Variants in PXDNL observed in about 807,000 individuals in gnomAD.
The protein encoded by PXDNL is peroxidasin like, also known as probable oxidoreductase PXDNL.
PXDNL carries 145 observed loss-of-function variants against 150.8 expected under a neutral mutation model. The observed-to-expected ratio is 0.96, with a 90% CI of 0.84 to 1.10. PXDNL has a LOEUF of 1.10. Among genes scored for constraint, PXDNL ranks in the 50% least tolerant of loss-of-function variants. The pLI is 0.00. For missense variants in PXDNL, 2,087 were observed against 1,873.9 expected, an observed-to-expected ratio of 1.11 and a Z score of -2.10; for synonymous variants, 757 against 725.7, an observed-to-expected ratio of 1.04 and a Z score of -0.69.
chr8:51,319,759 A>C lies in PXDNL; in HGVS notation c.*132T>G. ...ATAAAAGATCGTAAGTATATGTAAG[A>C]TTAGATGAACTAAGTTGCTTAAGTC... On this transcript the variant is annotated 3_prime_UTR_variant, in exon 23 of 23. Transcript: ENST00000356297. The C allele has an allele frequency of 1.5e-6, 1 of 661,852 alleles. No individual in the cohort carries two copies. The highest frequency in any genetic ancestry group is 5.2e-5 in the South Asian group (1 of 19,234). The allele number at this position is 661,852 out of a possible 1,614,324, so 41.0% of individuals were successfully genotyped here. A position where few individuals can be genotyped will look rare whatever the true frequency, so the allele number is the denominator to read the frequency against.
intron 17 of PXDNL, among the ~76,000 whole-genome samples, chr8:51,382,656 G>A (rs1807584599): frequency 6.6e-6 from 1 of 152,056 alleles, no homozygotes; most frequent in Non-Finnish European, 1.5e-5. Flanking sequence ...GAAAGGTACA[G>A]AGACTTATCA....
At chr8:51,572,353 G>A (rs1355832065) in intron 3 of PXDNL, among the ~76,000 whole-genome samples, 3 of 151,666 alleles carry the variant, frequency 2.0e-5, no homozygotes, top group Non-Finnish European at 4.4e-5. Context: ...GCAAAATATA[G>A]TATATCTGTA....
At chr8:51,673,125 A>G (rs1815534484) in intron 1 of PXDNL, among the ~76,000 whole-genome samples, 1 of 152,238 alleles carries the variant, frequency 6.6e-6, no homozygotes, top group African/African-American at 2.4e-5. Flanking sequence ...TTACACATGT[A>G]TGTTTAACTG....
intron 17 of PXDNL, among the ~76,000 whole-genome samples, chr8:51,389,631 C>A (rs1212251054): frequency 6.6e-6 from 1 of 152,220 alleles, no homozygotes; most frequent in Admixed American, 6.5e-5. Context: ...AAAGCACATT[C>A]ATTCCTGATT....
intron 2 of PXDNL, among the ~76,000 whole-genome samples, chr8:51,608,571 C>T (rs187839327): frequency 6.1e-5 from 9 of 148,030 alleles, no homozygotes; most frequent in East Asian, 5.9e-4. Flanking sequence ...GGCGCGGTGG[C>T]TCACGCCTGT....
chr8:51,369,564 T>C (rs994945625), intron 19 of PXDNL, among the ~76,000 whole-genome samples: 8 of 152,096 alleles, frequency 5.3e-5, no homozygotes, highest in African/African-American at 1.7e-4. Context: ...ATTACAAACA[T>C]TACATTAGGA....
At chr8:51,608,835 T>TGAA (rs1813932966) in intron 2 of PXDNL, among the ~76,000 whole-genome samples, 1 of 27,562 alleles carries the variant, frequency 3.6e-5, no homozygotes, top group African/African-American at 4.5e-4. Context: ...AGACTCTGTC[T>TGAA]CAAAAAAAAA....
intron 4 of PXDNL, among the ~76,000 whole-genome samples, chr8:51,518,847 GA>G (rs1034192586): frequency 1.3e-5 from 2 of 152,120 alleles, no homozygotes; most frequent in African/African-American, 2.4e-5. Flanking sequence ...GATGGTAGCA[GA>G]AAAACCTGGG....
chr8:51,741,417 A>G (rs948907710), intron 1 of PXDNL, among the ~76,000 whole-genome samples: 30 of 131,698 alleles, frequency 2.3e-4, no homozygotes, highest in Non-Finnish European at 3.8e-4. Context: ...CCCCTTTACC[A>G]TTATGTAATG....
intron 8 of PXDNL, 96 bp downstream of exon 8, chr8:51,472,071 TAAGAAACTCTGAAAATTTTA>T (rs1385859297): frequency 1.6e-6 from 1 of 634,380 alleles, no homozygotes; most frequent in Non-Finnish European, 2.7e-6. Context: ...ATTTTATCTT[TAAGAAACTCTGAAAATTTTA>T]GTAATTTCTT....
chr8:51,595,303 A>G (rs566470491), intron 2 of PXDNL, among the ~76,000 whole-genome samples: 4 of 152,290 alleles, frequency 2.6e-5, no homozygotes, highest in East Asian at 3.9e-4. Context: ...ATATTTTATT[A>G]AAAACCAATA....
intron 20 of PXDNL, 185 bp from the exon 21 acceptor site, chr8:51,339,938 A>G: frequency 2.0e-6 from 1 of 511,862 alleles, no homozygotes; most frequent in Non-Finnish European, 3.4e-6. Flanking sequence ...AGATAAGATG[A>G]TAATCCAGAG....
chr8:51,333,737 C>A (rs540735334), intron 21 of PXDNL, among the ~76,000 whole-genome samples: 1 of 152,132 alleles, frequency 6.6e-6, no homozygotes, highest in Non-Finnish European at 1.5e-5. Flanking sequence ...CATTATATAA[C>A]AGTAAAAGGC....
chr8:51,756,318 G>A (rs1585725660), intron 1 of PXDNL, among the ~76,000 whole-genome samples: 1 of 151,174 alleles, frequency 6.6e-6, no homozygotes, highest in East Asian at 1.9e-4. Context: ...CTTCAGCTCA[G>A]CAGGCAGAAG....
At chr8:51,396,666 G>A (rs1808092519) in intron 17 of PXDNL, among the ~76,000 whole-genome samples, 1 of 152,196 alleles carries the variant, frequency 6.6e-6, no homozygotes, top group African/African-American at 2.4e-5. Flanking sequence ...CTGAGGGCAG[G>A]AGAAACGCTT....
intron 19 of PXDNL, among the ~76,000 whole-genome samples, chr8:51,362,264 C>A (rs982412822): frequency 3.9e-5 from 6 of 152,188 alleles, no homozygotes; most frequent in African/African-American, 1.4e-4. Flanking sequence ...ATGCTGAATC[C>A]AGTCATGGAA....
intron 16 of PXDNL, among the ~76,000 whole-genome samples, chr8:51,410,559 C>T (rs1231062760): frequency 6.6e-6 from 1 of 152,132 alleles, no homozygotes; most frequent in Non-Finnish European, 1.5e-5. Flanking sequence ...AGGCCTTCTG[C>T]ACCACGTCTC....
chr8:51,342,057 T>C (rs1456663791), intron 20 of PXDNL, among the ~76,000 whole-genome samples: 1 of 152,128 alleles, frequency 6.6e-6, no homozygotes, highest in Admixed American at 6.5e-5. Context: ...ACAATATAAG[T>C]GTCCATCAAT....
At chr8:51,331,493 G>A (rs548498573) in intron 21 of PXDNL, among the ~76,000 whole-genome samples, 33 of 152,286 alleles carry the variant, frequency 2.2e-4, no homozygotes, top group African/African-American at 6.3e-4. Flanking sequence ...CAGAACTCTG[G>A]GGAGGGCGTG....
Sources: gnomAD v4.1 joint callset for allele counts (sites outside exome capture counted in the v4.1 genomes callset) on GRCh38, gnomAD v4.1.1 for gene constraint, MANE v1.5 for transcripts, NCBI Gene and HGNC (gene_info 2026-07-23, HGNC 2026-07-21) for gene names.